The following TBC1D8B variants were observed in gnomAD, a reference collection of about 807,000 sequenced individuals.
TBC1D8B encodes RP11-321G1.1.
Under a neutral mutation model 82.9 loss-of-function variants are expected in TBC1D8B, and 75 were observed. The ratio of observed to expected loss-of-function variants is 0.90; its 90% CI spans 0.75 to 1.10. The LOEUF (loss-of-function observed/expected upper bound fraction) is 1.10, where lower values mean the gene tolerates loss of function less well. Ranked by LOEUF, TBC1D8B falls within the 50% of genes least tolerant of loss-of-function variation. The pLI is 0.00. For missense variants in TBC1D8B, 794 were observed against 796.9 expected (o/e 1.00, Z 0.04); for synonymous variants, 276 against 276.8 (o/e 1.00, Z 0.03).
At chrX:106,870,197 A>G (rs913477165) in intron 19 of TBC1D8B, among the ~76,000 whole-genome samples, 1 of 110,699 alleles carries the variant, frequency 9.0e-6, no homozygotes, top group South Asian at 3.9e-4. Flanking sequence ...CACCCGGCTA[A>G]TTTTCATATT....
intron 10 of TBC1D8B, among the ~76,000 whole-genome samples, chrX:106,843,847 T>G (rs923817385): frequency 9.0e-6 from 1 of 111,668 alleles, no homozygotes; most frequent in African/African-American, 3.2e-5. Flanking sequence ...ACACAAGATG[T>G]CTTTCCTTTT....
intron 7 of TBC1D8B, among the ~76,000 whole-genome samples, chrX:106,838,893 T>C (rs1932237218): frequency 9.0e-6 from 1 of 111,658 alleles, no homozygotes; most frequent in Non-Finnish European, 1.9e-5. Context: ...AAAGATCCAC[T>C]GGTTGCCATA....
intron 1 of TBC1D8B, chrX:106,814,362 A>G (rs757226482): frequency 1.9e-5 from 2 of 105,009 alleles, no homozygotes; most frequent in Admixed American, 1.0e-4. Flanking sequence ...TAGTCCCTAC[A>G]AAGGACATGA....
intron 18 of TBC1D8B, 28 bp from the exon 19 acceptor site, chrX:106,869,455 TAC>T (rs1932833634): frequency 8.5e-7 from 1 of 1,181,306 alleles, no homozygotes; most frequent in African/African-American, 1.7e-5. Context: ...TTAAACATCT[TAC>T]AGAATGCAAT....
intron 14 of TBC1D8B, among the ~76,000 whole-genome samples, chrX:106,858,720 C>T (rs2147767716): frequency 8.9e-6 from 1 of 111,984 alleles, no homozygotes; most frequent in East Asian, 2.8e-4. Flanking sequence ...TTAATTAGTC[C>T]CATTTGTCAA....
chrX:106,812,993 G>T (rs1211334549), intron 1 of TBC1D8B, among the ~76,000 whole-genome samples: 1 of 110,847 alleles, frequency 9.0e-6, no homozygotes, highest in Non-Finnish European at 1.9e-5. Flanking sequence ...GAGTAGCTGG[G>T]ATTACAGGCA....
At chrX:106,823,554 C>T in intron 5 of TBC1D8B, 88 bp downstream of exon 5, 1 of 1,031,740 alleles carries the variant, frequency 9.7e-7, no homozygotes, top group Admixed American at 2.9e-5. Flanking sequence ...GTTAACTCTT[C>T]TATATTATAT....
intron 10 of TBC1D8B, among the ~76,000 whole-genome samples, chrX:106,845,864 A>G (rs1171515130): frequency 1.8e-5 from 2 of 110,587 alleles, no homozygotes; most frequent in Non-Finnish European, 3.8e-5. Context: ...AACAAACACC[A>G]CAGGGGAAAA....
intron 5 of TBC1D8B, among the ~76,000 whole-genome samples, chrX:106,824,760 C>T (rs1931790064): frequency 9.0e-6 from 1 of 111,307 alleles, no homozygotes; most frequent in Admixed American, 9.6e-5. Context: ...CATTGAAAAT[C>T]GTACATATCT....
intron 14 of TBC1D8B, among the ~76,000 whole-genome samples, chrX:106,862,209 T>C (rs1412510879): frequency 8.9e-6 from 1 of 111,777 alleles, no homozygotes; most frequent in African/African-American, 3.2e-5. Flanking sequence ...ATCTGATGAC[T>C]GTGTGGCTTG....
chrX:106,823,122 T>C, intron 4 of TBC1D8B, 104 bp from the exon 5 acceptor site: 3 of 885,997 alleles, frequency 3.4e-6, no homozygotes, highest in Non-Finnish European at 4.7e-6. Flanking sequence ...TTTAGCTGTT[T>C]ATAGTATTTT....
chrX:106,853,286 CTT>C (rs1462051295), intron 12 of TBC1D8B, among the ~76,000 whole-genome samples: 1 of 111,213 alleles, frequency 9.0e-6, no homozygotes, highest in Non-Finnish European at 1.9e-5. Flanking sequence ...TATCCTGAGA[CTT>C]TGCTGAAGTT....
At chrX:106,843,118 G>A (rs922318573) in intron 10 of TBC1D8B, among the ~76,000 whole-genome samples, 5 of 111,274 alleles carry the variant, frequency 4.5e-5, no homozygotes, top group African/African-American at 1.6e-4. Flanking sequence ...ATGTTTTCTT[G>A]TTTTGGCTGT....
chrX:106,811,853 T>A (rs944320642), intron 1 of TBC1D8B, among the ~76,000 whole-genome samples: 3 of 111,699 alleles, frequency 2.7e-5, no homozygotes, highest in African/African-American at 9.8e-5. Context: ...TCTTTAGAAA[T>A]GTTTCTGGGT....
chrX:106,869,210 A>G (rs1348819368), intron 18 of TBC1D8B, among the ~76,000 whole-genome samples: 1 of 111,703 alleles, frequency 9.0e-6, no homozygotes, highest in Non-Finnish European at 1.9e-5. Flanking sequence ...TTATTTAAAG[A>G]AAGTCACAAA....
At chrX:106,811,637 CTAAA>C (rs960668206) in intron 1 of TBC1D8B, among the ~76,000 whole-genome samples, 2 of 112,049 alleles carry the variant, frequency 1.8e-5, no homozygotes, top group Admixed American at 9.5e-5. Flanking sequence ...TTTAGTTCTT[CTAAA>C]TAATGTTTAA....
At chrX:106,809,255 T>C (rs752591045) in intron 1 of TBC1D8B, among the ~76,000 whole-genome samples, 1 of 111,641 alleles carries the variant, frequency 9.0e-6, no homozygotes, top group East Asian at 2.8e-4. Context: ...AAGTCCCTAC[T>C]CTCATGGGGC....
At chrX:106,865,681 A>G (rs1023794286) in intron 15 of TBC1D8B, 54 bp downstream of exon 15, 7 of 1,092,587 alleles carry the variant, frequency 6.4e-6, no homozygotes, top group Non-Finnish European at 8.6e-6. Flanking sequence ...GCAGAATTGT[A>G]TCACAGCCAT....
chrX:106,847,725 C>T (rs745672978), intron 10 of TBC1D8B, among the ~76,000 whole-genome samples: 1 of 111,286 alleles, frequency 9.0e-6, no homozygotes, highest in East Asian at 2.8e-4. Flanking sequence ...TAAGAAGAAT[C>T]CTACTTGATA....
Sources: allele counts gnomAD v4.1 joint callset (sites outside exome capture counted in the v4.1 genomes callset), GRCh38; gene constraint gnomAD v4.1.1; transcripts MANE v1.5; gene names NCBI Gene and HGNC (gene_info 2026-07-23, HGNC 2026-07-21).